The following TMEM230 variants were observed in gnomAD, a reference collection of about 807,000 sequenced individuals.
The protein encoded by TMEM230 is UPF0414 transmembrane protein C20orf30.
A neutral mutation model predicts 15.8 loss-of-function variants in TMEM230; 10 were observed. The ratio of observed to expected loss-of-function variants is 0.63; its 90% confidence interval spans 0.39 to 1.07. The LOEUF is 1.07. Ranked by LOEUF, TMEM230 falls within the 50% of genes least tolerant of loss-of-function variation. TMEM230 has a pLI of 0.01. For missense variants in TMEM230, 165 were observed against 193.3 expected (o/e 0.85, Z 0.87); for synonymous variants, 67 against 76.9 (o/e 0.87, Z 0.68).
chr20:5,093,389 A>G (rs1317477975), intron 3 of TMEM230, among the ~76,000 whole-genome samples: 1 of 151,850 alleles, frequency 6.6e-6, no homozygotes, highest in Admixed American at 6.6e-5. Context: ...CTGGGACTAC[A>G]GGCACATGCC....
chr20:5,082,428 T>TA (rs1227108388), intron 3 of TMEM230, among the ~76,000 whole-genome samples: 1 of 151,742 alleles, frequency 6.6e-6, no homozygotes, highest in Admixed American at 6.6e-5. Flanking sequence ...TTTAGTTTTT[T>TA]AAAAAATAAC....
At chr20:5,107,005 G>A (rs1220044795) in intron 3 of TMEM230, among the ~76,000 whole-genome samples, 2 of 152,148 alleles carry the variant, frequency 1.3e-5, no homozygotes, top group Non-Finnish European at 2.9e-5. Context: ...ATCAAGCCCA[G>A]TCTCAAACAC....
the TMEM230 span, among the ~76,000 whole-genome samples, chr20:5,061,725 T>C: frequency 6.6e-6 from 1 of 152,038 alleles, no homozygotes; most frequent in Admixed American, 6.6e-5. Context: ...ACAAACCCAC[T>C]GAGAGGATGG....
chr20:5,090,955 AGAAAG>A (rs1488414875), intron 3 of TMEM230, among the ~76,000 whole-genome samples: 2 of 152,200 alleles, frequency 1.3e-5, no homozygotes, highest in African/African-American at 4.8e-5. Context: ...TCTCTTGGAG[AGAAAG>A]GAAAGAGGGG....
At position 5,112,926 on chromosome 20, in the gene TMEM230, G is replaced by C. The variant is rs565592529; in HGVS notation, c.68+35C>G. 3.4e-4 allele frequency: 527 copies of C among 1,549,416 alleles called. 1 individual carries two copies. The African/African-American group carries it at 6.2e-3, about 18-fold the overall frequency. On this transcript the variant is annotated intron_variant, in intron 1 of 4. Coordinates refer to ENST00000342308, the MANE Select transcript of TMEM230 (RefSeq NM_001009923.2). ...GGACACGCCCAGAGCCCGAGAGGACGGTTCTGTCCCCGCCCTGCCGCACAC... is the reference window on the plus strand; with the variant it reads ...GGACACGCCCAGAGCCCGAGAGGACCGTTCTGTCCCCGCCCTGCCGCACAC...
chr20:5,087,897 T>C (rs1489445505), intron 3 of TMEM230, among the ~76,000 whole-genome samples: 1 of 149,008 alleles, frequency 6.7e-6, no homozygotes, highest in Non-Finnish European at 1.5e-5. Flanking sequence ...TTCAACATGT[T>C]GGCCAGGTGA....
At chr20:5,106,642 G>A (rs2090106664) in intron 3 of TMEM230, among the ~76,000 whole-genome samples, 1 of 152,086 alleles carries the variant, frequency 6.6e-6, no homozygotes, top group South Asian at 2.1e-4. Flanking sequence ...CCTGACCTCA[G>A]GTGATCCGCC....
downstream of TMEM230, among the ~76,000 whole-genome samples, chr20:5,066,907 T>C (rs1324150901): frequency 6.6e-6 from 1 of 151,854 alleles, no homozygotes; most frequent in Non-Finnish European, 1.5e-5. Flanking sequence ...TCCACATACA[T>C]CCAAGCCCCT....
At chr20:5,087,835 G>A (rs936429927) in intron 3 of TMEM230, among the ~76,000 whole-genome samples, 6 of 148,930 alleles carry the variant, frequency 4.0e-5, no homozygotes, top group African/African-American at 1.5e-4. Flanking sequence ...TGGGATTACA[G>A]GCGTGTACCA....
Position 5,100,900 on chromosome 20 carries a change from A to G in TMEM230, c.443T>C (p.Ile148Thr). 11 of 1,614,234 alleles carry G rather than the reference A, an allele frequency of 6.8e-6. No individual in the cohort carries two copies. Among genetic ancestry groups the G allele is most frequent in the Non-Finnish European group, 9.3e-6 (11 of 1,180,046 alleles). The change falls in exon 5 of 5, where the codon ATT (isoleucine) becomes ACT (threonine). Residue 148 changes from isoleucine (I) to threonine (T), a missense_variant. By Grantham distance (89) the Ile-to-Thr change is moderately conservative. Coordinates refer to ENST00000342308, the MANE Select transcript of TMEM230 (RefSeq NM_001009923.2). ...TCCGGGTAGGAACACCAGAATGCCAATGATCAGCACTGGAACGGCCCGGTC... is the reference window on the plus strand; with the variant it reads ...TCCGGGTAGGAACACCAGAATGCCAGTGATCAGCACTGGAACGGCCCGGTC...
chr20:5,101,670 C>T (rs1332469774), intron 4 of TMEM230, among the ~76,000 whole-genome samples: 1 of 152,136 alleles, frequency 6.6e-6, no homozygotes, highest in Non-Finnish European at 1.5e-5. Flanking sequence ...TCAAGCAATC[C>T]TCCTGCCTCA....
At chr20:5,060,332 CTTTTTTT>C in the TMEM230 span, among the ~76,000 whole-genome samples, 1 of 102,912 alleles carries the variant, frequency 9.7e-6, no homozygotes. Context: ...AGTGTATTGT[CTTTTTTT>C]TTTTTTTTTT....
rs376444767 is a variant in TMEM230 at position 5,106,227 on chromosome 20, A to G, written c.372T>C (p.Ile124=). Residue 124 remains isoleucine, a synonymous_variant, in exon 4 of 5, where the codon ATT becomes ATC. Coordinates refer to ENST00000342308, the MANE Select transcript of TMEM230 (RefSeq NM_001009923.2). ...AGCCTGACAGCAGGAGGGAGCCTAT[A>G]ATAATGAGAAAGGCGCCAATCAAAA... 2.0e-5 allele frequency: 33 copies of G among 1,613,940 alleles called. No individual in the cohort carries two copies. In the African/African-American group the frequency reaches 3.9e-4, roughly 19 times the overall value.
intron 4 of TMEM230, 146 bp downstream of exon 3, chr20:5,106,042 C>A (rs1462658693): frequency 5.5e-6 from 7 of 1,281,902 alleles, no homozygotes; most frequent in East Asian, 2.6e-5. Flanking sequence ...CAGAGCAAGA[C>A]CCTGTCTCAA....
intron 2 of TMEM230, 82 bp from the exon 2 acceptor site, chr20:5,109,527 T>C: frequency 1.9e-6 from 2 of 1,066,056 alleles, no homozygotes; most frequent in South Asian, 1.4e-5. Flanking sequence ...GATTATTAGA[T>C]GCTGTGCACT....
chr20:5,090,149 T>C (rs7261665), intron 3 of TMEM230, among the ~76,000 whole-genome samples: 2,558 of 152,200 alleles, frequency 0.017, 78 homozygotes, highest in African/African-American at 0.059. Context: ...TGACATCTAA[T>C]GAAAAAATTC....
the TMEM230 span, among the ~76,000 whole-genome samples, chr20:5,059,347 C>A: frequency 1.6e-3 from 248 of 152,036 alleles, no homozygotes; most frequent in African/African-American, 5.7e-3. Flanking sequence ...AAAAAAAATT[C>A]TCAACAACAA....
intron 3 of TMEM230, among the ~76,000 whole-genome samples, chr20:5,080,703 T>A (rs561070209): frequency 3.7e-4 from 56 of 152,108 alleles, no homozygotes; most frequent in African/African-American, 1.3e-3. Flanking sequence ...AATAGCTGGG[T>A]CTACAGGCAT....
chr20:5,090,744 C>T (rs1368621322), intron 3 of TMEM230, among the ~76,000 whole-genome samples: 1 of 151,774 alleles, frequency 6.6e-6, no homozygotes, highest in Non-Finnish European at 1.5e-5. Flanking sequence ...ACCAAAATGA[C>T]ACAATTATAT....
Sources: allele counts gnomAD v4.1 joint callset (sites outside exome capture counted in the v4.1 genomes callset), GRCh38; gene constraint gnomAD v4.1.1; transcripts MANE v1.5; gene names NCBI Gene and HGNC (gene_info 2026-07-23, HGNC 2026-07-21).